PTPRG: variants seen among roughly 807,000 people sequenced by gnomAD.
The protein encoded by PTPRG is protein tyrosine phosphatase receptor type G.
A neutral mutation model predicts 165.3 loss-of-function variants in PTPRG; 102 were observed. The observed-to-expected ratio is 0.62, with a 90% confidence interval of 0.53 to 0.73. The LOEUF (loss-of-function observed/expected upper bound fraction) is 0.73, where lower values mean the gene tolerates loss of function less well. Ranked by LOEUF, PTPRG falls within the 30% of genes least tolerant of loss-of-function variation. The probability of loss-of-function intolerance (pLI) is 0.00; values close to 1 mark genes in which losing one functional copy is unlikely to be tolerated. For synonymous variants in PTPRG, 675 were observed against 669.5 expected (o/e 1.01, Z -0.13); for missense variants, 1,866 against 1,861.4 (o/e 1.00, Z -0.05).
chr3:61,872,237 G>A (rs755859735), intron 2 of PTPRG, among the ~76,000 whole-genome samples: 87 of 152,220 alleles, frequency 5.7e-4, no homozygotes, highest in Non-Finnish European at 1.1e-3. Context: ...GCCAGGTGCA[G>A]CGTTGGGCAC....
At chr3:61,632,318 TAC>T (rs3032571) in intron 1 of PTPRG, among the ~76,000 whole-genome samples, 72,338 of 147,504 alleles carry the variant, frequency 0.49, 18,686 homozygotes, top group African/African-American at 0.69. Flanking sequence ...CACACGCACA[TAC>T]ACACACACAC....
chr3:62,123,592 A>C (rs1703162875), intron 5 of PTPRG, among the ~76,000 whole-genome samples: 1 of 152,168 alleles, frequency 6.6e-6, no homozygotes, highest in South Asian at 2.1e-4. Context: ...ATTTTGTATA[A>C]AAGGGTTACG....
chr3:62,175,458 A>G (rs1403737584), intron 8 of PTPRG, among the ~76,000 whole-genome samples: 1 of 152,208 alleles, frequency 6.6e-6, no homozygotes, highest in Non-Finnish European at 1.5e-5. Flanking sequence ...TCTTAAAAAG[A>G]AAAGAAAAAG....
At chr3:62,253,349 C>A (rs1456613571) in intron 15 of PTPRG, among the ~76,000 whole-genome samples, 1 of 152,074 alleles carries the variant, frequency 6.6e-6, no homozygotes, top group Non-Finnish European at 1.5e-5. Flanking sequence ...TGTCACTCTG[C>A]CCTTGAAAAT....
intron 5 of PTPRG, among the ~76,000 whole-genome samples, chr3:62,091,648 T>C (rs1418595907): frequency 6.6e-6 from 1 of 152,176 alleles, no homozygotes; most frequent in Non-Finnish European, 1.5e-5. Context: ...ATGTATCCTT[T>C]CCTGTGAGCT....
chr3:61,678,001 AAC>A, intron 1 of PTPRG, among the ~76,000 whole-genome samples: 1 of 152,314 alleles, frequency 6.6e-6, no homozygotes, highest in South Asian at 2.1e-4. Context: ...CACATTTGGT[AAC>A]ACAACATGCT....
intron 2 of PTPRG, among the ~76,000 whole-genome samples, chr3:61,760,137 T>C (rs975500309): frequency 2.6e-5 from 4 of 152,164 alleles, no homozygotes; most frequent in East Asian, 1.9e-4. Context: ...GTAGGAGATA[T>C]CACCATTTTG....
intron 1 of PTPRG, among the ~76,000 whole-genome samples, chr3:61,584,573 GTT>G (rs11359920): frequency 0.037 from 5,296 of 144,874 alleles, 283 homozygotes; most frequent in African/African-American, 0.12. Flanking sequence ...TAAAGTTTAG[GTT>G]TTTTTTTTTT....
At chr3:61,883,431 A>G (rs1405656248) in intron 2 of PTPRG, among the ~76,000 whole-genome samples, 2 of 152,120 alleles carry the variant, frequency 1.3e-5, no homozygotes, top group African/African-American at 4.8e-5. Flanking sequence ...TTGTTCCAGG[A>G]GGAATAACTT....
chr3:61,573,565 G>A (rs941597762), intron 1 of PTPRG, among the ~76,000 whole-genome samples: 1 of 152,134 alleles, frequency 6.6e-6, no homozygotes, highest in Non-Finnish European at 1.5e-5. Flanking sequence ...AGTGGTCACC[G>A]TGATACGCAA....
chr3:61,641,609 C>T (rs989214608), intron 1 of PTPRG, among the ~76,000 whole-genome samples: 1 of 152,014 alleles, frequency 6.6e-6, no homozygotes, highest in Non-Finnish European at 1.5e-5. Flanking sequence ...TGTGTTTTGT[C>T]CCACTACAGA....
At chr3:61,761,717 C>G (rs1182774069) in intron 2 of PTPRG, among the ~76,000 whole-genome samples, 1 of 152,210 alleles carries the variant, frequency 6.6e-6, no homozygotes, top group African/African-American at 2.4e-5. Context: ...CGGGAAGCCA[C>G]TTAATCCAGA....
chr3:61,854,016 A>G (rs2037035761), intron 2 of PTPRG, among the ~76,000 whole-genome samples: 1 of 151,198 alleles, frequency 6.6e-6, no homozygotes, highest in Non-Finnish European at 1.5e-5. Context: ...TGTGCTTTTC[A>G]GAACATAAGC....
chr3:62,261,384 G>A (rs746094171), intron 16 of PTPRG, among the ~76,000 whole-genome samples: 8 of 152,218 alleles, frequency 5.3e-5, no homozygotes, highest in Admixed American at 4.6e-4. Context: ...ATGTTCTTAC[G>A]TAGACTGATT....
At chr3:62,031,898 G>A (rs1387911081) in intron 4 of PTPRG, among the ~76,000 whole-genome samples, 1 of 152,134 alleles carries the variant, frequency 6.6e-6, no homozygotes, top group Non-Finnish European at 1.5e-5. Flanking sequence ...AGGAGGAAGA[G>A]GATGAATTCT....
chr3:61,920,546 C>G (rs894050369), intron 2 of PTPRG, among the ~76,000 whole-genome samples: 2 of 152,194 alleles, frequency 1.3e-5, no homozygotes, highest in African/African-American at 4.8e-5. Context: ...TAGGCTTGCA[C>G]CACCACCCCC....
At chr3:62,072,615 A>ATGTG (rs746425268) in intron 4 of PTPRG, among the ~76,000 whole-genome samples, 116 of 134,664 alleles carry the variant, frequency 8.6e-4, no homozygotes, top group East Asian at 5.3e-3. Context: ...ATATATGTGT[A>ATGTG]TGTGTGTGTG....
At chr3:61,747,621 T>C (rs1435796727) in intron 1 of PTPRG, among the ~76,000 whole-genome samples, 1 of 138,880 alleles carries the variant, frequency 7.2e-6, no homozygotes, top group East Asian at 2.0e-4. Context: ...AAGCATAAAG[T>C]ACTCTACAGG....
chr3:62,014,224 T>C (rs1424967048), intron 4 of PTPRG, among the ~76,000 whole-genome samples: 1 of 152,166 alleles, frequency 6.6e-6, no homozygotes, highest in African/African-American at 2.4e-5. Flanking sequence ...AGAATTTCAT[T>C]GCACCCCCCC....
Sources: gnomAD v4.1 joint callset for allele counts (sites outside exome capture counted in the v4.1 genomes callset) on GRCh38, gnomAD v4.1.1 for gene constraint, MANE v1.5 for transcripts, NCBI Gene and HGNC (gene_info 2026-07-23, HGNC 2026-07-21) for gene names.